Variants in NAA60 observed in about 807,000 individuals in gnomAD.
NAA60 encodes N-alpha-acetyltransferase 60.
Under a neutral mutation model 26.1 loss-of-function variants are expected in NAA60, and 8 were observed. That is an observed-to-expected ratio of 0.31 (90% CI 0.18 to 0.55). NAA60 has a LOEUF of 0.55. Among genes scored for constraint, NAA60 ranks in the 20% least tolerant of loss-of-function variants. NAA60 has a pLI of 0.93. For synonymous variants in NAA60, 131 were observed against 122.5 expected (o/e 1.07, Z -0.46); for missense variants, 290 against 311.3 (o/e 0.93, Z 0.51).
intron 2 of NAA60, among the ~76,000 whole-genome samples, chr16:3,455,386 G>GT (rs35501650): frequency 0.014 from 1,459 of 101,944 alleles, 36 homozygotes; most frequent in South Asian, 0.05. Flanking sequence ...AGAGTTTTTA[G>GT]TTTTTTTTTT....
chr16:3,458,124 G>T, intron 2 of NAA60: 2 of 985,212 alleles, frequency 2.0e-6, no homozygotes, highest in Non-Finnish European at 2.4e-6. Flanking sequence ...GGCTCCCTTC[G>T]CCTCCAGGAT....
At chr16:3,481,262 G>GT (rs1271259231) in intron 4 of NAA60, among the ~76,000 whole-genome samples, 4 of 152,046 alleles carry the variant, frequency 2.6e-5, no homozygotes, top group African/African-American at 9.7e-5. Context: ...GCTAATTTTT[G>GT]TATTTTTAGT....
chr16:3,465,853 A>T (rs1329361131), intron 2 of NAA60, among the ~76,000 whole-genome samples: 1 of 152,072 alleles, frequency 6.6e-6, no homozygotes, highest in Non-Finnish European at 1.5e-5. Flanking sequence ...CACTGCTGAG[A>T]CCCCGATACC....
intron 2 of NAA60, 91 bp downstream of exon 2, chr16:3,448,631 G>A (rs2034649473): frequency 5.7e-6 from 6 of 1,056,190 alleles, no homozygotes; most frequent in Non-Finnish European, 5.4e-6. Context: ...GACCTGTCAA[G>A]TATTAAATAT....
chr16:3,462,005 T>C (rs1225467083), intron 2 of NAA60, among the ~76,000 whole-genome samples: 2 of 146,006 alleles, frequency 1.4e-5, no homozygotes, highest in African/African-American at 5.2e-5. Context: ...GAGGATGGCT[T>C]GAGCCCAGGA....
At chr16:3,481,854 T>C (rs1362098346) in intron 4 of NAA60, among the ~76,000 whole-genome samples, 1 of 152,128 alleles carries the variant, frequency 6.6e-6, no homozygotes, top group African/African-American at 2.4e-5. Context: ...GCCCAGCACG[T>C]GGGAGCAGAA....
At chr16:3,444,048 A>C (rs1024089881) in intron 1 of NAA60, among the ~76,000 whole-genome samples, 2 of 152,128 alleles carry the variant, frequency 1.3e-5, no homozygotes, top group African/African-American at 4.8e-5. Flanking sequence ...TCTGACTCAA[A>C]GTGTTATAGA....
At position 3,453,666 on chromosome 16, in the gene NAA60, C is replaced by T. The variant is rs1002340943; in HGVS notation, c.-7+5126C>T. 6.6e-5 allele frequency among the ~76,000 whole-genome samples: 10 copies of T among 152,028 alleles called. No individual in the cohort carries two copies. In the South Asian group the frequency reaches 1.5e-3, roughly 22 times the overall value. ...CAGGTGATCTGCCTGCCTCAGCCTC[C>T]GAAAGTGCTGGGATTACAGGTGTGA... On this transcript the variant is annotated intron_variant, in intron 2 of 7. Coordinates refer to ENST00000407558, the MANE Select transcript of NAA60 (RefSeq NM_001083601.3).
intron 2 of NAA60, among the ~76,000 whole-genome samples, chr16:3,453,491 C>T (rs2034864392): frequency 6.6e-6 from 1 of 152,188 alleles, no homozygotes. Flanking sequence ...TCACCACAAC[C>T]TCTGCCTTCC....
In NAA60 at chr16:3,484,436, C is replaced by G. The variant is rs182774552; in HGVS notation, c.573-263C>G. ...GGCCCCTTCCCCACCCCCCGTGCATCCCTGGGTGTGGTGTCCACATGCCTG... is the reference window on the plus strand; with the variant it reads ...GGCCCCTTCCCCACCCCCCGTGCATGCCTGGGTGTGGTGTCCACATGCCTG... On this transcript the variant is annotated intron_variant, in intron 6 of 7. Transcript: ENST00000407558. The G allele has an allele frequency of 2.0e-4, 112 of 551,372 alleles. 4 individuals are homozygous for G. The South Asian group carries it at 2.6e-3, about 13-fold the overall frequency. 34.2% of individuals were successfully genotyped at this position (551,372 alleles called of 1,614,324 possible). A position where few individuals can be genotyped will look rare whatever the true frequency, so the allele number is the denominator to read the frequency against.
At chr16:3,464,542 A>G (rs532989938) in intron 2 of NAA60, among the ~76,000 whole-genome samples, 88 of 152,244 alleles carry the variant, frequency 5.8e-4, no homozygotes, top group African/African-American at 2.0e-3. Context: ...GCTGCTTCCT[A>G]GGCGGTACAG....
In NAA60 at chr16:3,476,283, G is replaced by T. The variant is rs1308016361; in HGVS notation, c.56G>T (p.Cys19Phe). ...AGCGAGGTCAGCCTGCGCCTCCTCTGCCACGATGACATAGACACTGTGAAG... is the reference window on the plus strand; with the variant it reads ...AGCGAGGTCAGCCTGCGCCTCCTCTTCCACGATGACATAGACACTGTGAAG... ...ALSEVSLRLLCHDDIDTVKHL... is the reference protein window; with the variant it reads ...ALSEVSLRLLFHDDIDTVKHL... The change falls in exon 3 of 8, where the codon TGC becomes TTC. Residue 19 changes from cysteine to phenylalanine, a missense_variant. Physicochemically the swap from Cys to Phe is radical, Grantham distance 205 (BLOSUM62 -2). Coordinates refer to ENST00000407558, the MANE Select transcript of NAA60 (RefSeq NM_001083601.3). 6.2e-7 allele frequency: 1 copy of T among 1,613,954 alleles called. No individual in the cohort carries two copies.
chr16:3,467,312 G>C (rs1225911141), intron 2 of NAA60, among the ~76,000 whole-genome samples: 2 of 152,148 alleles, frequency 1.3e-5, no homozygotes, highest in Admixed American at 1.3e-4. Flanking sequence ...GGGACTGGCA[G>C]GGAGGAGCTG....
rs1039269896 is a variant in NAA60, at chr16:3,484,770, G to A, written c.644G>A (p.Arg215His). Reference protein sequence around the residue: ...SPCSIPHRVYRQAHSLLCSFL... With the variant: ...SPCSIPHRVYHQAHSLLCSFL... ...TGCTCCATTCCGCACAGAGTCTACCGCCAGGCCCACAGCCTGCTCTGCAGC... is the reference window on the plus strand; with the variant it reads ...TGCTCCATTCCGCACAGAGTCTACCACCAGGCCCACAGCCTGCTCTGCAGC... Residue 215 changes from arginine to histidine, a missense_variant, in exon 7 of 8, where the codon CGC (arginine) becomes CAC (histidine). Transcript: ENST00000407558. The A allele has an allele frequency of 1.1e-5, 18 of 1,590,568 alleles. No individual in the cohort carries two copies. The highest frequency in any genetic ancestry group is 7.0e-5 in the Admixed American group (4 of 56,912).
chr16:3,466,453 C>T (rs1192287897), intron 2 of NAA60, among the ~76,000 whole-genome samples: 1 of 152,222 alleles, frequency 6.6e-6, no homozygotes, highest in East Asian at 1.9e-4. Context: ...AAGCCATGCG[C>T]AGTGTTAGCT....
At chr16:3,448,951 C>T (rs4786416) in intron 2 of NAA60, 69,556 of 160,720 alleles carry the variant, frequency 0.43, 17,059 homozygotes, top group East Asian at 0.64. Flanking sequence ...TCCTGTGCCA[C>T]CTCTGGTTTG....
In NAA60 at chr16:3,484,891, C is replaced by T. The variant is rs772635637; in HGVS notation, c.*36C>T. ...GCAGCCGCCACCAGGCCCCACCCTT[C>T]GGCCGCCCGCAGAGCCCGCCTTCCT... is the stretch of plus-strand genomic sequence containing the variant. On this transcript the variant is annotated 3_prime_UTR_variant, in exon 7 of 8. Transcript: ENST00000407558. The T allele has an allele frequency of 5.2e-6, 8 of 1,550,408 alleles. No individual in the cohort carries two copies. The highest frequency in any genetic ancestry group is 3.9e-5 in the Admixed American group (2 of 51,054).
rs1483223291 is a variant in NAA60, at chr16:3,485,692, A to C, written c.*432A>C. The C allele has an allele frequency of 2.2e-6, 1 of 456,562 alleles. No individual in the cohort carries two copies. Among genetic ancestry groups the C allele is most frequent in the Admixed American group, 2.3e-5 (1 of 42,578 alleles). 28.3% of individuals were successfully genotyped at this position (456,562 alleles called of 1,614,324 possible). Reference sequence around the variant, plus strand: ...GGAGGAACGCAAGTATTATGGACACACTTGACCGTAAAGGCACAGGAGCCT... The same window carrying C: ...GGAGGAACGCAAGTATTATGGACACCCTTGACCGTAAAGGCACAGGAGCCT... On this transcript the variant is annotated 3_prime_UTR_variant, in exon 8 of 8. Transcript: ENST00000407558.
rs774493947 is a variant in NAA60, at chr16:3,482,619, G to A, written c.337+21G>A. ...CATAGGTAAGGGCAGCCGGGCCCGCGGCTTGGCGCCCACCCCACCCCCTTG... is the reference window on the plus strand; with the variant it reads ...CATAGGTAAGGGCAGCCGGGCCCGCAGCTTGGCGCCCACCCCACCCCCTTG... On this transcript the variant is annotated intron_variant, in intron 5 of 7. Transcript: ENST00000407558. The A allele has an allele frequency of 1.7e-5, 27 of 1,555,586 alleles. No homozygotes were observed. In the Middle Eastern group the frequency reaches 8.1e-4, roughly 47 times the overall value.
Sources: allele counts gnomAD v4.1 joint callset (sites outside exome capture counted in the v4.1 genomes callset), GRCh38; gene constraint gnomAD v4.1.1; transcripts MANE v1.5; gene names NCBI Gene and HGNC (gene_info 2026-07-23, HGNC 2026-07-21).